The following PRRC2C variants were observed in gnomAD, a reference collection of about 807,000 sequenced individuals.
PRRC2C encodes proline rich coiled-coil 2C.
A neutral mutation model predicts 317.2 loss-of-function variants in PRRC2C; 72 were observed. The ratio of observed to expected loss-of-function variants is 0.23; its 90% CI spans 0.19 to 0.28. The LOEUF (loss-of-function observed/expected upper bound fraction) is 0.28. Ranked by LOEUF, PRRC2C falls within the 10% of genes least tolerant of loss-of-function variation. The pLI, the probability that PRRC2C is intolerant of heterozygous loss-of-function variation, is 1.00. For missense variants in PRRC2C, 3,074 were observed against 3,459.7 expected (o/e 0.89, Z 2.80); for synonymous variants, 1,296 against 1,205.9 (o/e 1.07, Z -1.55).
chr1:171,487,890 C>T (rs1451367292), intron 1 of PRRC2C, among the ~76,000 whole-genome samples: 1 of 152,114 alleles, frequency 6.6e-6, no homozygotes, highest in African/African-American at 2.4e-5. Context: ...TTTCACCTCC[C>T]CTTATCCCTG....
At position 171,537,290 on chromosome 1, in the gene PRRC2C, G is replaced by A. The variant is rs147544809; in HGVS notation, c.2321G>A (p.Arg774Lys). ...PGMIPPKPLMRRDQMEGSPNS... is the reference protein window; with the variant it reads ...PGMIPPKPLMKRDQMEGSPNS... Reference sequence around the variant, plus strand: ...ATGATTCCTCCTAAACCATTAATGAGAAGAGACCAGATGGAAGGGTCACCG... The same window carrying A: ...ATGATTCCTCCTAAACCATTAATGAAAAGAGACCAGATGGAAGGGTCACCG... Residue 774 changes from arginine to lysine, a missense_variant, in exon 15 of 35, where the codon AGA (arginine) becomes AAA (lysine). Physicochemically the swap from Arg to Lys is conservative, Grantham distance 26 (BLOSUM62 2). Transcript: ENST00000647382. 388 of 1,598,316 alleles carry A rather than the reference G, an allele frequency of 2.4e-4. No homozygotes were observed. The highest frequency in any genetic ancestry group is 3.0e-4 in the Non-Finnish European group (355 of 1,171,718).
At position 171,545,577 on chromosome 1, in the gene PRRC2C, A is replaced by G; in HGVS notation, c.4862A>G (p.Lys1621Arg). The change falls in exon 17 of 35, where the codon AAG (lysine) becomes AGG (arginine). Residue 1621 changes from lysine (K) to arginine (R), a missense_variant. Physicochemically the swap from Lys to Arg is conservative, Grantham distance 26. Coordinates refer to ENST00000647382, the MANE Select transcript of PRRC2C (RefSeq NM_001387844.1). ...GGAGTACCTAATGGTACAGGACAAA[A>G]GAACTCCAAAGATTCTACTGGGAAA... is the stretch of plus-strand genomic sequence containing the variant. ...QEGVPNGTGQKNSKDSTGKKR... is the reference protein window; with the variant it reads ...QEGVPNGTGQRNSKDSTGKKR... The G allele has an allele frequency of 6.2e-7, 1 of 1,608,934 alleles. No individual in the cohort carries two copies. The highest frequency in any genetic ancestry group is 8.5e-7 in the Non-Finnish European group (1 of 1,177,382).
intron 17 of PRRC2C, among the ~76,000 whole-genome samples, chr1:171,549,275 G>T (rs538589455): frequency 6.6e-6 from 1 of 152,196 alleles, no homozygotes; most frequent in South Asian, 2.1e-4. Context: ...GGCCTGAAAT[G>T]GTCCTCCCAC....
chr1:171,535,659 G>C, intron 13 of PRRC2C, 62 bp downstream of exon 13: 1 of 1,514,138 alleles, frequency 6.6e-7, no homozygotes, highest in Admixed American at 1.9e-5. Flanking sequence ...GCAGTAGTCT[G>C]GGAAATTAGA....
Position 171,580,245 on chromosome 1 carries a change from C to T in PRRC2C, c.7409+281C>T, listed in dbSNP as rs193158728. On this transcript the variant is annotated intron_variant, in intron 28 of 34. Coordinates refer to ENST00000647382, the MANE Select transcript of PRRC2C (RefSeq NM_001387844.1). ...ATTATAGAAAGTAGCTGCTAAAGAA[C>T]CTAAAAGTATGTGTGCCATCTGGCT... is the stretch of plus-strand genomic sequence containing the variant. Among the ~76,000 whole-genome samples, 106 of 152,196 alleles carry T rather than the reference C, an allele frequency of 7.0e-4. 1 individual carries two copies. The highest frequency in any genetic ancestry group is 1.0e-3 in the Non-Finnish European group (69 of 68,034).
chr1:171,564,930 C>T (rs1220161959), intron 20 of PRRC2C, among the ~76,000 whole-genome samples: 1 of 152,050 alleles, frequency 6.6e-6, no homozygotes, highest in African/African-American at 2.4e-5. Context: ...ACATTATATC[C>T]GGGTAGATAT....
Position 171,540,758 on chromosome 1 carries a change from G to T in PRRC2C, c.3292G>T (p.Ala1098Ser). Residue 1098 changes from alanine (A) to serine (S), a missense_variant, in exon 16 of 35, where the codon GCT becomes TCT. Ala to Ser is a moderately conservative substitution (Grantham distance 99). Coordinates refer to ENST00000647382, the MANE Select transcript of PRRC2C (RefSeq NM_001387844.1). ...KFPSTETATLAQKPSQDTEKP... is the reference protein window; with the variant it reads ...KFPSTETATLSQKPSQDTEKP... ...TCCTTCAACAGAAACTGCAACTTTG[G>T]CTCAAAAACCATCTCAGGATACTGA... 1.9e-6 allele frequency: 3 copies of T among 1,613,874 alleles called. No homozygotes were observed. Among genetic ancestry groups the T allele is most frequent in the Non-Finnish European group, 2.5e-6 (3 of 1,179,866 alleles).
intron 31 of PRRC2C, among the ~76,000 whole-genome samples, 188 bp from the exon 32 acceptor site, chr1:171,587,460 T>G (rs1355478730): frequency 3.3e-5 from 5 of 152,230 alleles, no homozygotes; most frequent in Admixed American, 2.6e-4. Flanking sequence ...ATAGTGTCTC[T>G]TGGGCTTATT....
intron 11 of PRRC2C, 91 bp downstream of exon 11, chr1:171,527,935 A>G (rs1167934595): frequency 9.5e-7 from 1 of 1,053,064 alleles, no homozygotes; most frequent in East Asian, 2.6e-5. Context: ...CAAAACTTTT[A>G]TGAAACAGTT....
At chr1:171,509,217 A>G (rs12036058) in intron 1 of PRRC2C, among the ~76,000 whole-genome samples, 6,291 of 152,184 alleles carry the variant, frequency 0.041, 190 homozygotes, top group East Asian at 0.15. Flanking sequence ...TTTTTCTCTT[A>G]TGCTGGACAG....
chr1:171,487,209 A>G (rs1231008845), intron 1 of PRRC2C, among the ~76,000 whole-genome samples: 1 of 152,078 alleles, frequency 6.6e-6, no homozygotes, highest in Non-Finnish European at 1.5e-5. Context: ...CTTTGAGAAA[A>G]GTGCTATTAA....
chr1:171,523,083 C>A, intron 7 of PRRC2C, 138 bp from the exon 8 acceptor site: 3 of 714,420 alleles, frequency 4.2e-6, no homozygotes, highest in East Asian at 2.8e-5. Context: ...TTTTCATACA[C>A]ATGTCCATGC....
Position 171,591,768 on chromosome 1 carries a change from C to T in PRRC2C, c.8618C>T (p.Ala2873Val). ...AAAGTAGAAGAAAAGCCACCCCCTG[C>T]ACCCTCCATAGCCACCAAACCTGTT... ...QEKVEEKPPP[A>V]PSIATKPVRT... is the part of the protein sequence containing the mutation. The change falls in exon 35 of 35, where the codon GCA (alanine) becomes GTA (valine). Residue 2873 changes from alanine to valine, a missense_variant. Coordinates refer to ENST00000647382, the MANE Select transcript of PRRC2C (RefSeq NM_001387844.1). The T allele has an allele frequency of 6.2e-7, 1 of 1,613,134 alleles. No homozygotes were observed. Among genetic ancestry groups the T allele is most frequent in the Admixed American group, 1.7e-5 (1 of 59,948 alleles).
chr1:171,502,707 C>G (rs185913900), intron 1 of PRRC2C, among the ~76,000 whole-genome samples: 1 of 152,226 alleles, frequency 6.6e-6, no homozygotes, highest in East Asian at 1.9e-4. Flanking sequence ...ACCAACTACT[C>G]TAGTAGGCCT....
chr1:171,552,440 T>C (rs893749471), intron 18 of PRRC2C, among the ~76,000 whole-genome samples: 2 of 152,214 alleles, frequency 1.3e-5, no homozygotes, highest in African/African-American at 4.8e-5. Context: ...TTTTCCTAAT[T>C]GAATATCCTT....
At chr1:171,491,108 C>G (rs564304740) in intron 1 of PRRC2C, among the ~76,000 whole-genome samples, 1 of 151,686 alleles carries the variant, frequency 6.6e-6, no homozygotes, top group Non-Finnish European at 1.5e-5. Context: ...AAGAGAACCA[C>G]GAAAAGGGAA....
intron 1 of PRRC2C, among the ~76,000 whole-genome samples, chr1:171,496,802 T>C (rs924509261): frequency 2.0e-5 from 3 of 151,780 alleles, no homozygotes; most frequent in Admixed American, 6.6e-5. Flanking sequence ...TGTGTGTGTG[T>C]GTGTGTGTGT....
In PRRC2C at chr1:171,540,424, A is replaced by G. The variant is rs750431093; in HGVS notation, c.2958A>G (p.Val986=). Residue 986 remains valine, a synonymous_variant, in exon 16 of 35, where the codon GTA becomes GTG. Transcript: ENST00000647382. The part of the protein sequence containing the change: ...RSSEGPKPEK[V]YKSKSETRWG... ...CTGAAGGACCAAAACCTGAAAAAGT[A>G]TATAAATCTAAATCAGAAACTCGTT... The G allele has an allele frequency of 7.4e-6, 12 of 1,613,084 alleles. No homozygotes were observed. The highest frequency in any genetic ancestry group is 1.0e-5 in the Non-Finnish European group (12 of 1,179,526).
chr1:171,582,458 G>C (rs1648847730), intron 28 of PRRC2C, among the ~76,000 whole-genome samples: 1 of 152,174 alleles, frequency 6.6e-6, no homozygotes, highest in South Asian at 2.1e-4. Flanking sequence ...GAGACATTCT[G>C]AAGTATGCAT....
Sources: gnomAD v4.1 joint callset for allele counts (sites outside exome capture counted in the v4.1 genomes callset) on GRCh38, gnomAD v4.1.1 for gene constraint, MANE v1.5 for transcripts, NCBI Gene and HGNC (gene_info 2026-07-23, HGNC 2026-07-21) for gene names.